SLC25A36: variants seen among roughly 807,000 people sequenced by gnomAD.
SLC25A36 encodes solute carrier family 25 member 36, also known as epididymis secretory sperm binding protein.
A neutral mutation model predicts 35.3 loss-of-function variants in SLC25A36; 24 were observed. The observed-to-expected ratio is 0.68, with a 90% CI of 0.49 to 0.96. The LOEUF (loss-of-function observed/expected upper bound fraction) is 0.96, where lower values mean the gene tolerates loss of function less well. Ranked by LOEUF, SLC25A36 falls within the 40% of genes least tolerant of loss-of-function variation. The probability of loss-of-function intolerance (pLI) is 0.00; values close to 1 mark genes in which losing one functional copy is unlikely to be tolerated. For missense variants in SLC25A36, 294 were observed against 381.1 expected (o/e 0.77, Z 1.90); for synonymous variants, 141 against 132.2 (o/e 1.07, Z -0.46).
chr3:140,942,960 G>A (rs1484296553), intron 1 of SLC25A36, among the ~76,000 whole-genome samples: 1 of 152,150 alleles, frequency 6.6e-6, no homozygotes, highest in Non-Finnish European at 1.5e-5. Context: ...GTGGAGAGAG[G>A]TCAGATTTTT....
chr3:140,944,349 G>A (rs889601651), intron 1 of SLC25A36, among the ~76,000 whole-genome samples: 5 of 152,158 alleles, frequency 3.3e-5, no homozygotes, highest in African/African-American at 1.2e-4. Context: ...ATACTCACAT[G>A]CATAACTCGT....
chr3:140,968,726 C>T (rs1934827120), intron 4 of SLC25A36: 1 of 980,822 alleles, frequency 1.0e-6, no homozygotes, highest in South Asian at 4.7e-5. Flanking sequence ...TGGACAGAAG[C>T]TTGGGTACTG....
At chr3:140,951,103 T>G (rs1421952331) in intron 1 of SLC25A36, among the ~76,000 whole-genome samples, 1 of 152,198 alleles carries the variant, frequency 6.6e-6, no homozygotes, top group Non-Finnish European at 1.5e-5. Context: ...CTTTTTGGTA[T>G]TTCCCTCTGC....
intron 1 of SLC25A36, among the ~76,000 whole-genome samples, chr3:140,953,847 G>A (rs762375815): frequency 4.6e-5 from 7 of 152,172 alleles, no homozygotes; most frequent in South Asian, 4.1e-4. Flanking sequence ...GCATGTGCCT[G>A]TAGTCCCAGC....
Position 140,980,653 on chromosome 3 carries a change from A to T in SLC25A36, c.*4200A>T, listed in dbSNP as rs1486087097. Among the ~76,000 whole-genome samples, 1 of 151,772 alleles carries T rather than the reference A, an allele frequency of 6.6e-6. No individual in the cohort carries two copies. The highest frequency in any genetic ancestry group is 6.6e-5 in the Admixed American group (1 of 15,226). ...GTTCTAGTGTGACATTTATACACTG[A>T]TAAAACTCAGGCAAGCAAAATGTAA... On this transcript the variant is annotated 3_prime_UTR_variant, in exon 7 of 7. Transcript: ENST00000324194.
At chr3:140,966,873 CAT>C (rs1028685538) in intron 4 of SLC25A36, 46 of 454,324 alleles carry the variant, frequency 1.0e-4, no homozygotes, top group Admixed American at 8.5e-4. Flanking sequence ...AATTTGTACA[CAT>C]GTTTCTGATG....
rs75927844 is a variant in SLC25A36, at chr3:140,957,350, T to C, written c.206+659T>C. Among the ~76,000 whole-genome samples the C allele has an allele frequency of 9.4e-3, 1,438 of 152,386 alleles. 12 individuals are homozygous for C. Among genetic ancestry groups the C allele is most frequent in the Middle Eastern group, 0.02 (6 of 294 alleles). On this transcript the variant is annotated intron_variant, in intron 2 of 6. Coordinates refer to ENST00000324194, the MANE Select transcript of SLC25A36 (RefSeq NM_001104647.3). ...TGTAATAGCAAATAAACTCATTCTG[T>C]GTATTTACCTTTGTTACTAAAAGGT...
rs1291188743 is a variant in SLC25A36, at chr3:140,979,002, G to C, written c.*2549G>C. On this transcript the variant is annotated 3_prime_UTR_variant, in exon 7 of 7. Coordinates refer to ENST00000324194, the MANE Select transcript of SLC25A36 (RefSeq NM_001104647.3). ...GTGTAGAGTCCACATTATTTAGTTTGTTGTACTTTTAAATTTCAAAGTTCA... is the reference window on the plus strand; with the variant it reads ...GTGTAGAGTCCACATTATTTAGTTTCTTGTACTTTTAAATTTCAAAGTTCA... 6.6e-6 allele frequency: 1 copy of C among 152,052 alleles called. No individual in the cohort carries two copies. Among genetic ancestry groups the C allele is most frequent in the East Asian group, 1.9e-4 (1 of 5,192 alleles). 9.4% of individuals were successfully genotyped at this position (152,052 alleles called of 1,614,324 possible). A position where few individuals can be genotyped will look rare whatever the true frequency, so the allele number is the denominator to read the frequency against.
At chr3:140,949,323 C>T (rs1474971087) in intron 1 of SLC25A36, among the ~76,000 whole-genome samples, 1 of 152,136 alleles carries the variant, frequency 6.6e-6, no homozygotes, top group Admixed American at 6.5e-5. Context: ...TTACCATAGG[C>T]TAGAGATGTG....
At chr3:140,956,856 G>A in intron 2 of SLC25A36, 165 bp downstream of exon 2, 1 of 1,145,670 alleles carries the variant, frequency 8.7e-7, no homozygotes, top group Non-Finnish European at 1.1e-6. Context: ...TAATGGAGAA[G>A]AACAGTTAGA....
intron 4 of SLC25A36, chr3:140,963,435 T>C (rs1450070448): frequency 4.6e-6 from 2 of 432,274 alleles, no homozygotes; most frequent in African/African-American, 4.2e-5. Context: ...CATGCTAGGG[T>C]ACAAGTAATA....
At chr3:140,950,834 G>T (rs1194834775) in intron 1 of SLC25A36, among the ~76,000 whole-genome samples, 1 of 151,870 alleles carries the variant, frequency 6.6e-6, no homozygotes, top group Non-Finnish European at 1.5e-5. Context: ...TGTTGAGTTT[G>T]TATTCTTCAG....
chr3:140,943,156 G>T (rs79860415), intron 1 of SLC25A36, among the ~76,000 whole-genome samples: 1 of 152,052 alleles, frequency 6.6e-6, no homozygotes, highest in Non-Finnish European at 1.5e-5. Flanking sequence ...ATTATAAAGA[G>T]TTTTCTTATC....
At chr3:140,958,149 G>C (rs1202546015) in intron 2 of SLC25A36, among the ~76,000 whole-genome samples, 1 of 152,154 alleles carries the variant, frequency 6.6e-6, no homozygotes, top group Admixed American at 6.5e-5. Context: ...TGGCTACTCA[G>C]TTCAGGCCTT....
intron 1 of SLC25A36, among the ~76,000 whole-genome samples, chr3:140,953,614 C>T (rs1250058954): frequency 6.6e-6 from 1 of 152,060 alleles, no homozygotes; most frequent in Non-Finnish European, 1.5e-5. Context: ...TAAATGTATG[C>T]TGTTTATTGA....
Position 140,974,309 on chromosome 3 carries a change from A to G in SLC25A36, c.742+304A>G, listed in dbSNP as rs1934981121. Among the ~76,000 whole-genome samples, 3 of 152,108 alleles carry G rather than the reference A, an allele frequency of 2.0e-5. No homozygotes were observed. The South Asian group carries it at 6.2e-4, about 32-fold the overall frequency. ...TGAAAAAAGTATGTATGTAGGTGCT[A>G]TACTAGATAGTTTACATACATTACT... On this transcript the variant is annotated intron_variant, in intron 6 of 6. Coordinates refer to ENST00000324194, the MANE Select transcript of SLC25A36 (RefSeq NM_001104647.3).
chr3:140,968,006 G>A (rs1374087462), intron 4 of SLC25A36: 6 of 984,800 alleles, frequency 6.1e-6, no homozygotes, highest in East Asian at 1.1e-4. Context: ...AATTTCAGGG[G>A]CACCATTCCC....
At chr3:140,960,876 C>G (rs1189735418) in intron 3 of SLC25A36, among the ~76,000 whole-genome samples, 1 of 152,220 alleles carries the variant, frequency 6.6e-6, no homozygotes, top group Non-Finnish European at 1.5e-5. Context: ...AGATCTGGAA[C>G]TCTTAAAACT....
intron 5 of SLC25A36, among the ~76,000 whole-genome samples, chr3:140,972,395 T>C (rs1301160392): frequency 6.6e-6 from 1 of 152,090 alleles, no homozygotes; most frequent in Non-Finnish European, 1.5e-5. Flanking sequence ...GCGCAGTGGA[T>C]CATGCCTGTA....
Sources: gnomAD v4.1 joint callset for allele counts (sites outside exome capture counted in the v4.1 genomes callset) on GRCh38, gnomAD v4.1.1 for gene constraint, MANE v1.5 for transcripts, NCBI Gene and HGNC (gene_info 2026-07-23, HGNC 2026-07-21) for gene names.